The following PTGER3 variants were observed in gnomAD, a reference collection of about 807,000 sequenced individuals.
PTGER3 encodes the protein prostaglandin E receptor 3.
PTGER3 carries 22 observed loss-of-function variants against 34.7 expected under a neutral mutation model. The observed-to-expected ratio is 0.63, with a 90% CI of 0.45 to 0.91. The LOEUF is 0.91. Ranked by LOEUF, PTGER3 falls within the 40% of genes least tolerant of loss-of-function variation. PTGER3 has a pLI of 0.00. For synonymous variants in PTGER3, 241 were observed against 230.1 expected (o/e 1.05, Z -0.43); for missense variants, 468 against 519.4 (o/e 0.90, Z 0.96).
chr1:70,934,325 T>C (rs1264458777), intron 4 of PTGER3, among the ~76,000 whole-genome samples: 1 of 152,226 alleles, frequency 6.6e-6, no homozygotes, highest in Non-Finnish European at 1.5e-5. Flanking sequence ...CACAGTCATG[T>C]GTCTCTGAGT....
intron 4 of PTGER3, among the ~76,000 whole-genome samples, chr1:70,885,387 A>G (rs530737517): frequency 6.6e-6 from 1 of 152,316 alleles, no homozygotes; most frequent in Non-Finnish European, 1.5e-5. Context: ...CCATGTATGT[A>G]CATAACACTC....
intron 4 of PTGER3, among the ~76,000 whole-genome samples, chr1:70,881,510 T>C (rs772280749): frequency 5.3e-5 from 8 of 152,176 alleles, no homozygotes; most frequent in Non-Finnish European, 1.0e-4. Flanking sequence ...TTGTTGTTGT[T>C]GCCAGAGTTC....
At chr1:70,949,060 C>G (rs376225898), downstream of PTGER3, among the ~76,000 whole-genome samples, 4 of 152,160 alleles carry the variant, frequency 2.6e-5, no homozygotes, top group East Asian at 5.8e-4. Context: ...CCTCCATTGT[C>G]TCTTCAGGCG....
chr1:70,862,543 A>T (rs1430723234), intron 4 of PTGER3: 1 of 379,028 alleles, frequency 2.6e-6, no homozygotes, highest in African/African-American at 2.1e-5. Context: ...CATGGCTTTG[A>T]CTTAGAAAGC....
chr1:71,020,328 A>G (rs1658293073), intron 1 of PTGER3, among the ~76,000 whole-genome samples: 2 of 152,236 alleles, frequency 1.3e-5, no homozygotes, highest in African/African-American at 4.8e-5. Context: ...AAGATTTTTT[A>G]AAACAACAAT....
chr1:71,005,154 G>A (rs893663273), intron 2 of PTGER3, among the ~76,000 whole-genome samples: 1 of 152,152 alleles, frequency 6.6e-6, no homozygotes, highest in Non-Finnish European at 1.5e-5. Flanking sequence ...CAATGCATAG[G>A]ACAGCCCTCA....
intron 4 of PTGER3, among the ~76,000 whole-genome samples, chr1:70,939,458 G>T (rs933706504): frequency 6.6e-6 from 1 of 152,246 alleles, no homozygotes; most frequent in Non-Finnish European, 1.5e-5. Flanking sequence ...TAGGGCCCCT[G>T]TGTGGGGGCT....
At chr1:71,035,047 G>A (rs750555651) in intron 1 of PTGER3, among the ~76,000 whole-genome samples, 2 of 152,052 alleles carry the variant, frequency 1.3e-5, no homozygotes, top group African/African-American at 2.4e-5. Flanking sequence ...GTTCTTGAAA[G>A]GTAAAAAATT....
chr1:71,038,112 T>C (rs776658941), intron 1 of PTGER3, among the ~76,000 whole-genome samples: 1 of 152,236 alleles, frequency 6.6e-6, no homozygotes, highest in Non-Finnish European at 1.5e-5. Context: ...AATCACTCTT[T>C]CATCATTTTC....
intron 2 of PTGER3, among the ~76,000 whole-genome samples, chr1:70,990,989 C>T (rs552451648): frequency 2.6e-5 from 4 of 152,278 alleles, no homozygotes; most frequent in Admixed American, 2.0e-4. Flanking sequence ...TTGAGAACTG[C>T]CTTCTGAACG....
At chr1:70,859,445 C>T (rs1645880296) in intron 4 of PTGER3, among the ~76,000 whole-genome samples, 1 of 152,064 alleles carries the variant, frequency 6.6e-6, no homozygotes, top group South Asian at 2.1e-4. Flanking sequence ...GTGTTCCTTA[C>T]AATTATTTAG....
At chr1:70,854,296 A>T (rs1013203442) in intron 4 of PTGER3, among the ~76,000 whole-genome samples, 1 of 152,228 alleles carries the variant, frequency 6.6e-6, no homozygotes, top group Non-Finnish European at 1.5e-5. Flanking sequence ...CCTAGTTAAA[A>T]AAATGGGTAA....
exon 5 of PTGER3, chr1:70,852,725 G>A (rs1645708174): frequency 7.7e-7 from 1 of 1,295,104 alleles, no homozygotes; most frequent in African/African-American, 1.5e-5. Context: ...TGGGCTTGGG[G>A]GAAGAAGTAA....
At chr1:71,029,121 C>A (rs914102617) in intron 1 of PTGER3, among the ~76,000 whole-genome samples, 1 of 152,186 alleles carries the variant, frequency 6.6e-6, no homozygotes, top group Non-Finnish European at 1.5e-5. Context: ...CTAATGTATG[C>A]AAAACTCTTA....
chr1:70,859,004 A>C (rs1645870306), intron 4 of PTGER3, among the ~76,000 whole-genome samples: 1 of 152,224 alleles, frequency 6.6e-6, no homozygotes, highest in South Asian at 2.1e-4. Context: ...CACAGAGTTC[A>C]ATGATCCGCC....
intron 4 of PTGER3, among the ~76,000 whole-genome samples, chr1:70,932,869 A>T (rs1296618245): frequency 6.6e-6 from 1 of 152,136 alleles, no homozygotes; most frequent in Non-Finnish European, 1.5e-5. Flanking sequence ...CTCTGGAAAG[A>T]CTTTCTAAAT....
At chr1:70,921,111 AAG>A (rs1647477236) in intron 4 of PTGER3, among the ~76,000 whole-genome samples, 1 of 152,188 alleles carries the variant, frequency 6.6e-6, no homozygotes, top group Non-Finnish European at 1.5e-5. Context: ...ATGAGTAAAA[AAG>A]AGCAACTTTG....
chr1:70,963,320 C>G (rs1371262275), intron 2 of PTGER3, among the ~76,000 whole-genome samples: 7 of 152,112 alleles, frequency 4.6e-5, no homozygotes, highest in African/African-American at 1.7e-4. Context: ...GGATGGGAGC[C>G]CTCCTCTGAT....
chr1:70,878,025 C>T (rs1646309307), intron 4 of PTGER3, among the ~76,000 whole-genome samples: 1 of 151,980 alleles, frequency 6.6e-6, no homozygotes, highest in Admixed American at 6.6e-5. Flanking sequence ...GAATTGGTAC[C>T]AGTTCTTCAT....
Sources: gnomAD v4.1 joint callset for allele counts (sites outside exome capture counted in the v4.1 genomes callset) on GRCh38, gnomAD v4.1.1 for gene constraint, MANE v1.5 for transcripts, NCBI Gene and HGNC (gene_info 2026-07-23, HGNC 2026-07-21) for gene names.